RSRC1: variants seen among roughly 807,000 people sequenced by gnomAD.
RSRC1 encodes arginine and serine rich coiled-coil 1.
Under a neutral mutation model 49.1 loss-of-function variants are expected in RSRC1, and 39 were observed. The ratio of observed to expected loss-of-function variants is 0.79; its 90% CI spans 0.61 to 1.04. The LOEUF is 1.04. Among genes scored for constraint, RSRC1 ranks in the 50% least tolerant of loss-of-function variants. RSRC1 has a pLI of 0.00. For missense variants in RSRC1, 388 were observed against 402.4 expected, an observed-to-expected ratio of 0.96 and a Z score of 0.31; for synonymous variants, 143 against 130.8, an observed-to-expected ratio of 1.09 and a Z score of -0.63.
intron 6 of RSRC1, among the ~76,000 whole-genome samples, chr3:158,376,084 C>G (rs1025994598): frequency 6.7e-6 from 1 of 149,644 alleles, no homozygotes; most frequent in Admixed American, 6.6e-5. Context: ...CTCGACCCCC[C>G]TTCCTTCCTT....
At chr3:158,306,083 C>G (rs1284597623) in intron 5 of RSRC1, among the ~76,000 whole-genome samples, 1 of 151,868 alleles carries the variant, frequency 6.6e-6, no homozygotes, top group Non-Finnish European at 1.5e-5. Context: ...TATCCTTACC[C>G]TTTTAAAAAC....
chr3:158,183,541 T>G (rs1169131294), intron 3 of RSRC1, among the ~76,000 whole-genome samples: 2 of 152,158 alleles, frequency 1.3e-5, no homozygotes, highest in Non-Finnish European at 1.5e-5. Context: ...ATTGAAACCA[T>G]TTTTTAGAAA....
At chr3:158,110,459 C>T (rs1263665082) in intron 1 of RSRC1, 1 of 152,650 alleles carries the variant, frequency 6.6e-6, no homozygotes, top group Non-Finnish European at 1.5e-5. Context: ...TGGCCGCAGG[C>T]CTCAAGCTTG....
Position 158,545,430 on chromosome 3 carries a change from C to G in RSRC1, c.*1155C>G, listed in dbSNP as rs1174493525. On this transcript the variant is annotated 3_prime_UTR_variant, in exon 10 of 10. Coordinates refer to ENST00000611884, the MANE Select transcript of RSRC1 (RefSeq NM_001271838.2). ...TTTAGCCAGGATGGTCTATTTTCTTCTGTTGTCCAGTCACTAATTTAGTCT... is the reference window on the plus strand; with the variant it reads ...TTTAGCCAGGATGGTCTATTTTCTTGTGTTGTCCAGTCACTAATTTAGTCT... 2.0e-5 allele frequency: 3 copies of G among 151,842 alleles called. No homozygotes were observed. The highest frequency in any genetic ancestry group is 1.3e-4 in the Admixed American group (2 of 15,234). The allele number at this position is 151,842 out of a possible 1,614,324, so 9.4% of individuals were successfully genotyped here.
chr3:158,335,836 G>A (rs1299912563), intron 5 of RSRC1, among the ~76,000 whole-genome samples: 1 of 152,044 alleles, frequency 6.6e-6, no homozygotes, highest in Non-Finnish European at 1.5e-5. Context: ...TTGTTTAATT[G>A]ATGAACAGTT....
chr3:158,440,716 G>A (rs943344564), intron 6 of RSRC1, among the ~76,000 whole-genome samples: 16 of 152,128 alleles, frequency 1.1e-4, no homozygotes, highest in African/African-American at 3.6e-4. Flanking sequence ...GGCTGAGGTG[G>A]GTGGATCACC....
chr3:158,284,713 G>A (rs1048440235), intron 4 of RSRC1, among the ~76,000 whole-genome samples: 49 of 151,996 alleles, frequency 3.2e-4, no homozygotes, highest in Non-Finnish European at 6.5e-4. Flanking sequence ...GTCTGTTCAC[G>A]TCCTTTGCCC....
chr3:158,148,973 G>A (rs1264131864), intron 3 of RSRC1, among the ~76,000 whole-genome samples: 1 of 151,924 alleles, frequency 6.6e-6, no homozygotes, highest in African/African-American at 2.4e-5. Context: ...TAATAGAGAC[G>A]GGGTTTCACC....
intron 7 of RSRC1, among the ~76,000 whole-genome samples, chr3:158,529,214 G>GTGTGTGTGTATATATA (rs374368016): frequency 1.4e-5 from 2 of 143,126 alleles, no homozygotes; most frequent in African/African-American, 5.3e-5. Context: ...ATGTGTGTGT[G>GTGTGTGTGTATATATA]TATATATATA....
At chr3:158,364,468 A>G (rs1731647970) in intron 6 of RSRC1, among the ~76,000 whole-genome samples, 2 of 152,126 alleles carry the variant, frequency 1.3e-5, no homozygotes, top group South Asian at 4.1e-4. Flanking sequence ...TTGGTAGTCC[A>G]GATTTATATT....
intron 6 of RSRC1, among the ~76,000 whole-genome samples, chr3:158,388,031 T>A (rs1733056193): frequency 6.6e-6 from 1 of 152,050 alleles, no homozygotes; most frequent in Non-Finnish European, 1.5e-5. Context: ...CAAATAAGTA[T>A]CAAGAAGTAA....
intron 3 of RSRC1, among the ~76,000 whole-genome samples, chr3:158,148,598 C>T (rs977491652): frequency 6.6e-6 from 1 of 151,976 alleles, no homozygotes; most frequent in African/African-American, 2.4e-5. Context: ...ATGTCATAAA[C>T]TCATCTTTTA....
At chr3:158,418,587 A>G (rs756604668) in intron 6 of RSRC1, among the ~76,000 whole-genome samples, 2 of 151,924 alleles carry the variant, frequency 1.3e-5, no homozygotes, top group Non-Finnish European at 1.5e-5. Context: ...GAGCCTAATG[A>G]GGTTCGCTCC....
intron 7 of RSRC1, among the ~76,000 whole-genome samples, chr3:158,523,737 T>C (rs1243140024): frequency 2.0e-5 from 3 of 152,024 alleles, no homozygotes; most frequent in Non-Finnish European, 4.4e-5. Context: ...TGATTTCCCA[T>C]CAAAACTCTC....
chr3:158,390,988 T>C (rs1733252534), intron 6 of RSRC1, among the ~76,000 whole-genome samples: 1 of 152,170 alleles, frequency 6.6e-6, no homozygotes, highest in South Asian at 2.1e-4. Flanking sequence ...ATGGAAGACA[T>C]TTTATCTTTG....
At chr3:158,434,280 T>C (rs1036360401) in intron 6 of RSRC1, among the ~76,000 whole-genome samples, 1 of 151,898 alleles carries the variant, frequency 6.6e-6, no homozygotes. Context: ...AGGTGATGCT[T>C]TTAGGTAGGG....
rs975223806 is a variant in RSRC1 at position 158,189,971 on chromosome 3, A to AT, written c.321-13091dup. ...TAACATAAATTACTACTTTTATTAC[A>AT]TTTTTTTTTTCCCGTAGCTTTGATT... On this transcript the variant is annotated intron_variant, in intron 3 of 9. Transcript: ENST00000611884. 1.7e-3 allele frequency among the ~76,000 whole-genome samples: 247 copies of AT among 147,878 alleles called. 1 individual carries two copies. Among genetic ancestry groups the AT allele is most frequent in the South Asian group, 3.0e-3 (14 of 4,688 alleles).
At chr3:158,110,844 A>C (rs1388065227) in intron 1 of RSRC1, among the ~76,000 whole-genome samples, 2 of 152,368 alleles carry the variant, frequency 1.3e-5, no homozygotes, top group East Asian at 3.9e-4. Flanking sequence ...GACCAAGAGC[A>C]TATGGCTCTG....
At chr3:158,149,548 A>G (rs1026820668) in intron 3 of RSRC1, among the ~76,000 whole-genome samples, 2 of 152,214 alleles carry the variant, frequency 1.3e-5, no homozygotes, top group African/African-American at 4.8e-5. Context: ...AAATTCTTAA[A>G]GGTGAATACA....
Sources: allele counts gnomAD v4.1 joint callset (sites outside exome capture counted in the v4.1 genomes callset), GRCh38; gene constraint gnomAD v4.1.1; transcripts MANE v1.5; gene names NCBI Gene and HGNC (gene_info 2026-07-23, HGNC 2026-07-21).